FBXW12: variants seen among roughly 807,000 people sequenced by gnomAD.
The protein encoded by FBXW12 is F-box/WD repeat-containing protein 12.
In FBXW12, 43 loss-of-function variants were observed where a neutral mutation model predicts 55.3. The observed-to-expected ratio is 0.78, with a 90% CI of 0.61 to 1.00. The LOEUF (loss-of-function observed/expected upper bound fraction) is 1.00. Among genes scored for constraint, FBXW12 ranks in the 50% least tolerant of loss-of-function variants. The pLI, the probability that FBXW12 is intolerant of heterozygous loss-of-function variation, is 0.00. For synonymous variants in FBXW12, 184 were observed against 203.8 expected, an observed-to-expected ratio of 0.90 and a Z score of 0.83; for missense variants, 524 against 560.5, an observed-to-expected ratio of 0.93 and a Z score of 0.66.
At position 48,379,441 on chromosome 3, in the gene FBXW12, T is replaced by A. The variant is rs765257800; in HGVS notation, c.657T>A (p.Pro219=). 2.5e-6 allele frequency: 4 copies of A among 1,614,074 alleles called. No individual in the cohort carries two copies. Among genetic ancestry groups the A allele is most frequent in the Non-Finnish European group, 3.4e-6 (4 of 1,180,006 alleles). Residue 219 remains proline, a synonymous_variant, in exon 7 of 11, where the codon CCT becomes CCA. Transcript: ENST00000296438. The part of the protein sequence containing the change: ...AAGDIYTFTL[P]GLRDVSKVTA... ...GTGACATCTACACATTTACACTGCC[T>A]GGGTTAAGAGATGTTTCTAAAGTTA...
chr3:48,384,943 A>G (rs1439453247), intron 10 of FBXW12, among the ~76,000 whole-genome samples: 1 of 152,218 alleles, frequency 6.6e-6, no homozygotes, highest in African/African-American at 2.4e-5. Flanking sequence ...AAGCTAATAT[A>G]TCAATCACTT....
chr3:48,392,803 T>C (rs2036948682), intron 10 of FBXW12, among the ~76,000 whole-genome samples: 1 of 152,200 alleles, frequency 6.6e-6, no homozygotes, highest in South Asian at 2.1e-4. Context: ...TTGCTCTGGT[T>C]GAGTACAAGT....
At chr3:48,391,246 G>A in intron 10 of FBXW12, among the ~76,000 whole-genome samples, 1 of 151,212 alleles carries the variant, frequency 6.6e-6, no homozygotes, top group East Asian at 1.9e-4. Flanking sequence ...TTGTGCCACT[G>A]CACTCCAGAC....
chr3:48,378,625 TTTTTTTG>T, intron 6 of FBXW12, 99 bp downstream of exon 6: 4 of 966,744 alleles, frequency 4.1e-6, no homozygotes, highest in African/African-American at 1.7e-5. Flanking sequence ...TTTTTTTTTT[TTTTTTTG>T]GAGACAGAGT....
intron 10 of FBXW12, 38 bp downstream of exon 10, chr3:48,382,123 ACTTTTTTTTTTTGAGACGGAGT>A (rs2036785513): frequency 6.2e-7 from 1 of 1,602,272 alleles, no homozygotes; most frequent in Admixed American, 1.7e-5. Context: ...CCCCTAAACA[ACTTTTTTTTTTTGAGACGGAGT>A]CTCCCTATGT....
chr3:48,378,517 A>G lies in FBXW12; in HGVS notation c.606A>G (p.Pro202=). The change falls in exon 6 of 11, where the codon CCA becomes CCG. Residue 202 remains proline (P), a synonymous_variant. Coordinates refer to ENST00000296438, the MANE Select transcript of FBXW12 (RefSeq NM_207102.2). Reference sequence around the variant, plus strand: ...AAGCCTATCTTACAAAGGATGGCCCATTCCTGATGGTAAGTGAGCCCTGAA... The same window carrying G: ...AAGCCTATCTTACAAAGGATGGCCCGTTCCTGATGGTAAGTGAGCCCTGAA... ...CMEAYLTKDG[P]FLMVGDAAGD... 2 of 1,613,622 alleles carry G rather than the reference A, an allele frequency of 1.2e-6. No homozygotes were observed. The highest frequency in any genetic ancestry group is 1.7e-6 in the Non-Finnish European group (2 of 1,179,912).
At chr3:48,377,972 T>C (rs1022856585) in intron 5 of FBXW12, among the ~76,000 whole-genome samples, 3 of 152,202 alleles carry the variant, frequency 2.0e-5, no homozygotes, top group African/African-American at 7.2e-5. Flanking sequence ...TCTAAGTATG[T>C]TTCATGAGAT....
In FBXW12 at chr3:48,373,468, A is replaced by AG. The variant is rs1417591360; in HGVS notation, c.129-75dup. ...TATACACAGGAAAGTTAGTGTGAGTAGGGGGTTGTGATATAACCGGGGCTC... is the reference window on the plus strand; with the variant it reads ...TATACACAGGAAAGTTAGTGTGAGTAGGGGGGTTGTGATATAACCGGGGCTC... On this transcript the variant is annotated intron_variant, in intron 3 of 10. Transcript: ENST00000296438. The AG allele has an allele frequency of 1.9e-6, 3 of 1,604,374 alleles. No homozygotes were observed. The African/African-American group carries it at 4.0e-5, about 21-fold the overall frequency.
chr3:48,373,398 C>A (rs1478435206), intron 3 of FBXW12, 53 bp downstream of exon 3: 2 of 1,613,530 alleles, frequency 1.2e-6, no homozygotes, highest in East Asian at 2.2e-5. Context: ...CATCTGACTG[C>A]GCACCCATGC....
intron 10 of FBXW12, 104 bp downstream of exon 10, chr3:48,382,189 T>G: frequency 7.8e-7 from 1 of 1,283,226 alleles, no homozygotes. Context: ...TGATCTCAAC[T>G]CACTGCAACC....
intron 10 of FBXW12, among the ~76,000 whole-genome samples, chr3:48,387,819 C>G (rs925394380): frequency 6.6e-6 from 1 of 152,138 alleles, no homozygotes; most frequent in African/African-American, 2.4e-5. Flanking sequence ...CCTATCTAGG[C>G]CTCCCAAAGT....
intron 6 of FBXW12, among the ~76,000 whole-genome samples, chr3:48,379,094 C>G (rs967908793): frequency 6.6e-6 from 1 of 152,158 alleles, no homozygotes; most frequent in Non-Finnish European, 1.5e-5. Context: ...GTGTTATTGT[C>G]CAGTCCATGA....
intron 10 of FBXW12, 145 bp from the exon 11 acceptor site, chr3:48,394,415 A>G (rs2036976108): frequency 1.7e-6 from 1 of 582,128 alleles, no homozygotes; most frequent in Non-Finnish European, 3.0e-6. Context: ...GATTTTATGT[A>G]GTTATTCAAA....
chr3:48,383,780 A>G lies in FBXW12; in HGVS notation c.1295+1695A>G, dbSNP rs367761782. Among the ~76,000 whole-genome samples the G allele has an allele frequency of 2.6e-5, 4 of 152,272 alleles. No homozygotes were observed. In the East Asian group the frequency reaches 7.7e-4, roughly 29 times the overall value. On this transcript the variant is annotated intron_variant, in intron 10 of 10. Transcript: ENST00000296438. ...TAAAGATCAAGATGTATTTTTTTGT[A>G]TATGAATATTCAGTGATTCAGCACC...
chr3:48,375,324 G>T, intron 4 of FBXW12, 30 bp from the exon 5 acceptor site: 1 of 1,307,498 alleles, frequency 7.6e-7, no homozygotes, highest in Non-Finnish European at 1.1e-6. Flanking sequence ...TTAACTATCT[G>T]GTGGCCAAGT....
intron 10 of FBXW12, among the ~76,000 whole-genome samples, chr3:48,393,408 T>C (rs1247293533): frequency 3.9e-5 from 6 of 152,028 alleles, no homozygotes; most frequent in Non-Finnish European, 8.8e-5. Flanking sequence ...TTTACTTGAG[T>C]TAGTGCAAGG....
At chr3:48,378,848 C>T (rs1339426922) in intron 6 of FBXW12, among the ~76,000 whole-genome samples, 2 of 152,124 alleles carry the variant, frequency 1.3e-5, no homozygotes, top group Non-Finnish European at 2.9e-5. Context: ...ATCTGCCCAC[C>T]TCAGCCCCCC....
At chr3:48,380,084 G>A (rs1324181511) in intron 7 of FBXW12, 1 of 151,016 alleles carries the variant, frequency 6.6e-6, no homozygotes, top group South Asian at 2.1e-4. Context: ...ATGCACCTGT[G>A]AATAGTCACT....
chr3:48,393,807 A>T (rs11712561), intron 10 of FBXW12, among the ~76,000 whole-genome samples: 1 of 146,566 alleles, frequency 6.8e-6, no homozygotes, highest in Admixed American at 6.8e-5. Context: ...GAGATGGAAT[A>T]TTGCTGTGTC....
Sources: allele counts gnomAD v4.1 joint callset (sites outside exome capture counted in the v4.1 genomes callset), GRCh38; gene constraint gnomAD v4.1.1; transcripts MANE v1.5; gene names NCBI Gene and HGNC (gene_info 2026-07-23, HGNC 2026-07-21).